Variants in RALA observed in about 807,000 individuals in gnomAD.
RALA encodes the protein RAS like proto-oncogene A, also known as ras-related protein Ral-A.
RALA carries 5 observed loss-of-function variants against 24.0 expected under a neutral mutation model. That is an observed-to-expected ratio of 0.21 (90% CI 0.11 to 0.44). The LOEUF (loss-of-function observed/expected upper bound fraction) is 0.44, where lower values mean the gene tolerates loss of function less well. Among genes scored for constraint, RALA ranks in the 20% least tolerant of loss-of-function variants. The pLI, the probability that RALA is intolerant of heterozygous loss-of-function variation, is 0.99. For synonymous variants in RALA, 77 were observed against 83.8 expected (o/e 0.92, Z 0.44); for missense variants, 95 against 241.2 (o/e 0.39, Z 4.01).
At chr7:39,671,953 A>G (rs1347571069) in intron 1 of RALA, among the ~76,000 whole-genome samples, 1 of 152,190 alleles carries the variant, frequency 6.6e-6, no homozygotes, top group Non-Finnish European at 1.5e-5. Context: ...GTTATAACTA[A>G]TGTCATTTTT....
chr7:39,699,329 A>G (rs1792980917), intron 4 of RALA, among the ~76,000 whole-genome samples: 1 of 150,022 alleles, frequency 6.7e-6, no homozygotes, highest in African/African-American at 2.5e-5. Flanking sequence ...TTTAGTAGAG[A>G]CGGGGTTTCA....
chr7:39,693,144 A>G (rs916281301), intron 3 of RALA, among the ~76,000 whole-genome samples: 9 of 152,212 alleles, frequency 5.9e-5, no homozygotes, highest in Non-Finnish European at 1.3e-4. Context: ...CACTACTCAC[A>G]ATAGTAAAGA....
chr7:39,648,652 CAT>C (rs1443393646), intron 1 of RALA, among the ~76,000 whole-genome samples: 1 of 152,154 alleles, frequency 6.6e-6, no homozygotes, highest in African/African-American at 2.4e-5. Context: ...TCTTAGACCT[CAT>C]AAGGCTTTTA....
chr7:39,646,761 A>T (rs1181753171), intron 1 of RALA, among the ~76,000 whole-genome samples: 1 of 152,180 alleles, frequency 6.6e-6, no homozygotes, highest in Non-Finnish European at 1.5e-5. Flanking sequence ...ACAGAGGAGT[A>T]ATGTTTTTTT....
intron 4 of RALA, chr7:39,697,356 GA>G: frequency 2.2e-6 from 1 of 456,660 alleles, no homozygotes; most frequent in South Asian, 1.5e-5. Context: ...GAAAGAGAAA[GA>G]AAGGAAAGTA....
At chr7:39,689,373 A>G (rs903489296) in intron 2 of RALA, among the ~76,000 whole-genome samples, 3 of 152,248 alleles carry the variant, frequency 2.0e-5, no homozygotes, top group African/African-American at 7.2e-5. Context: ...TTTTACAGTT[A>G]CAAATACACT....
At chr7:39,692,729 C>T (rs974509321) in intron 3 of RALA, among the ~76,000 whole-genome samples, 1 of 152,166 alleles carries the variant, frequency 6.6e-6, no homozygotes, top group Non-Finnish European at 1.5e-5. Flanking sequence ...CCTGCAGCAC[C>T]TGACTCAGAG....
At chr7:39,685,930 G>A (rs546993122) in intron 1 of RALA, among the ~76,000 whole-genome samples, 1 of 152,280 alleles carries the variant, frequency 6.6e-6, no homozygotes, top group African/African-American at 2.4e-5. Context: ...TTGGTCGGGG[G>A]TGCGGTGGCT....
chr7:39,643,760 G>A (rs1393549494), intron 1 of RALA, among the ~76,000 whole-genome samples: 1 of 152,236 alleles, frequency 6.6e-6, no homozygotes, highest in Non-Finnish European at 1.5e-5. Flanking sequence ...AGGAGGCTGA[G>A]GCAGGAGAAC....
chr7:39,700,113 T>A (rs2116109274), intron 4 of RALA, among the ~76,000 whole-genome samples: 1 of 152,316 alleles, frequency 6.6e-6, no homozygotes, highest in Non-Finnish European at 1.5e-5. Flanking sequence ...ACGACTATGT[T>A]ACTTTTTCAA....
At position 39,623,914 on chromosome 7, in the gene RALA, C is replaced by G. The variant is rs1791425323; in HGVS notation, c.-38+89C>G. ...GTGTCCGGGCGGCGGCGGGCCGAGG[C>G]CCTGACGCGGGTTCGGGCTGCCGAG... On this transcript the variant is annotated intron_variant, in intron 1 of 4. Coordinates refer to ENST00000005257, the MANE Select transcript of RALA (RefSeq NM_005402.4). This position sits in a 1 kb window ranked among gnomAD's most constrained non-coding sequence, Gnocchi z 4.9. 6.6e-6 allele frequency: 1 copy of G among 152,290 alleles called. No homozygotes were observed. The highest frequency in any genetic ancestry group is 2.4e-5 in the African/African-American group (1 of 41,430). The allele number at this position is 152,290 out of a possible 1,614,324, so 9.4% of individuals were successfully genotyped here.
At chr7:39,705,040 A>C (rs999637689) in intron 4 of RALA, among the ~76,000 whole-genome samples, 2 of 152,158 alleles carry the variant, frequency 1.3e-5, no homozygotes, top group African/African-American at 2.4e-5. Context: ...AACAAGATAC[A>C]CTCAGAGATG....
intron 3 of RALA, among the ~76,000 whole-genome samples, chr7:39,694,299 A>T (rs1792879451): frequency 2.6e-5 from 4 of 152,246 alleles, no homozygotes; most frequent in Admixed American, 2.6e-4. Context: ...CCAAATTTAT[A>T]AATGAAGAAA....
At chr7:39,643,519 G>A (rs1360789769) in intron 1 of RALA, among the ~76,000 whole-genome samples, 1 of 152,130 alleles carries the variant, frequency 6.6e-6, no homozygotes, top group Admixed American at 6.5e-5. Context: ...TCAGGAGTTC[G>A]AGACTAGCCT....
At chr7:39,644,991 A>C (rs977213831) in intron 1 of RALA, among the ~76,000 whole-genome samples, 7 of 152,194 alleles carry the variant, frequency 4.6e-5, no homozygotes, top group Admixed American at 3.9e-4. Flanking sequence ...TAGGAAACCC[A>C]AGTTCTGCTT....
rs558895271 is a variant in RALA, at chr7:39,705,708, T to C, written c.499-415T>C. Among the ~76,000 whole-genome samples, 3 of 151,934 alleles carry C rather than the reference T, an allele frequency of 2.0e-5. No individual in the cohort carries two copies. In the East Asian group the frequency reaches 5.8e-4, roughly 29 times the overall value. On this transcript the variant is annotated intron_variant, in intron 4 of 4. Coordinates refer to ENST00000005257, the MANE Select transcript of RALA (RefSeq NM_005402.4). ...ACTGAGGAAACCAAGTTATGAAATA[T>C]AATCAAATTATTAAATATAAATTTA...
At chr7:39,645,935 C>T (rs1428011010) in intron 1 of RALA, among the ~76,000 whole-genome samples, 1 of 152,256 alleles carries the variant, frequency 6.6e-6, no homozygotes, top group East Asian at 1.9e-4. Flanking sequence ...AGATCATAAA[C>T]ACCTTATTTC....
chr7:39,623,795 C>CT lies in RALA; in HGVS notation c.-68_-67insT, dbSNP rs1469138499. 2.0e-5 allele frequency: 3 copies of CT among 152,180 alleles called. No homozygotes were observed. The highest frequency in any genetic ancestry group is 7.2e-5 in the African/African-American group (3 of 41,424). 9.4% of individuals were successfully genotyped at this position (152,180 alleles called of 1,614,324 possible). On this transcript the variant is annotated 5_prime_UTR_variant, in exon 1 of 5. Coordinates refer to ENST00000005257, the MANE Select transcript of RALA (RefSeq NM_005402.4). The surrounding 1 kb of genome is among the most constrained non-coding windows in gnomAD (Gnocchi z 4.9). ...GCCACGCAGCCGCGGCTTCCGGAGC[C>CT]CTCGGGGCGGCGGACTGGCTCGCGG...
intron 1 of RALA, among the ~76,000 whole-genome samples, chr7:39,675,792 T>A (rs1792476883): frequency 6.6e-6 from 1 of 151,970 alleles, no homozygotes; most frequent in Non-Finnish European, 1.5e-5. Flanking sequence ...GTCATGTATA[T>A]TCTACCTCTT....
Sources: gnomAD v4.1 joint callset for allele counts (sites outside exome capture counted in the v4.1 genomes callset) on GRCh38, gnomAD v4.1.1 for gene constraint, Gnocchi (gnomAD v3.1) non-coding constraint, MANE v1.5 for transcripts, NCBI Gene and HGNC (gene_info 2026-07-23, HGNC 2026-07-21) for gene names.